The following FHIT variants were observed in gnomAD, a reference collection of about 807,000 sequenced individuals.
FHIT encodes the protein bis(5'-adenosyl)-triphosphatase.
Under a neutral mutation model 17.9 loss-of-function variants are expected in FHIT, and 19 were observed. That is an observed-to-expected ratio of 1.06 (90% CI 0.74 to 1.56). The LOEUF is 1.56. Among genes scored for constraint, FHIT ranks in the 40% most tolerant of loss-of-function variants. FHIT has a pLI of 0.00. For missense variants in FHIT, 248 were observed against 189.2 expected (o/e 1.31, Z -1.82); for synonymous variants, 81 against 69.7 (o/e 1.16, Z -0.81).
chr3:60,891,227 G>T (rs187363327), intron 3 of FHIT, among the ~76,000 whole-genome samples: 5 of 151,892 alleles, frequency 3.3e-5, no homozygotes, highest in African/African-American at 1.2e-4. Flanking sequence ...CCCATCATCC[G>T]TGCACCCATC....
chr3:60,835,240 A>T (rs1702494204), intron 3 of FHIT, among the ~76,000 whole-genome samples: 1 of 79,226 alleles, frequency 1.3e-5, no homozygotes, highest in African/African-American at 4.7e-5. Context: ...TTTTAGAATA[A>T]TGTCATCTAT....
At chr3:59,928,756 G>T (rs1036690156) in intron 7 of FHIT, among the ~76,000 whole-genome samples, 14 of 152,136 alleles carry the variant, frequency 9.2e-5, no homozygotes, top group African/African-American at 3.4e-4. Context: ...CAGCACTTTG[G>T]GAGGCCAAGG....
At chr3:60,378,359 G>T (rs907702155) in intron 5 of FHIT, among the ~76,000 whole-genome samples, 5 of 152,194 alleles carry the variant, frequency 3.3e-5, no homozygotes, top group East Asian at 1.9e-4. Flanking sequence ...GCCAACAATT[G>T]TAACGTTTGC....
rs570540191 is a variant in FHIT at position 61,041,799 on chromosome 3, C to A, written c.-111+248G>T. Among the ~76,000 whole-genome samples the A allele has an allele frequency of 7.9e-5, 12 of 151,712 alleles. No homozygotes were observed. The South Asian group carries it at 2.3e-3, about 29-fold the overall frequency. On this transcript the variant is annotated intron_variant, in intron 3 of 9. Coordinates refer to ENST00000492590, the MANE Select transcript of FHIT (RefSeq NM_002012.4). ...ATAAAATGCATGTTATGAACCAGAA[C>A]AATACCTTAAAGATATAACAAAAGT...
At chr3:60,731,163 A>C (rs1041729412) in intron 4 of FHIT, among the ~76,000 whole-genome samples, 2 of 152,182 alleles carry the variant, frequency 1.3e-5, no homozygotes, top group Admixed American at 6.5e-5. Context: ...ATAAAAAATA[A>C]AAATAAGACA....
chr3:60,782,762 A>C (rs1245737783), intron 4 of FHIT, among the ~76,000 whole-genome samples: 1 of 152,180 alleles, frequency 6.6e-6, no homozygotes, highest in Non-Finnish European at 1.5e-5. Context: ...TCAAGGTGCC[A>C]GTAGATTAAG....
intron 3 of FHIT, among the ~76,000 whole-genome samples, chr3:60,860,413 A>G (rs1424722740): frequency 7.0e-6 from 1 of 142,750 alleles, no homozygotes; most frequent in Non-Finnish European, 1.6e-5. Flanking sequence ...GACATACATC[A>G]TATGTATATA....
chr3:60,666,105 T>C (rs1022559381), intron 4 of FHIT, among the ~76,000 whole-genome samples: 21 of 152,156 alleles, frequency 1.4e-4, no homozygotes, highest in African/African-American at 5.1e-4. Flanking sequence ...ATTATAATTT[T>C]TGTTTTAATC....
intron 2 of FHIT, among the ~76,000 whole-genome samples, chr3:61,079,849 T>A (rs1313375987): frequency 1.3e-5 from 2 of 152,212 alleles, no homozygotes; most frequent in East Asian, 3.8e-4. Context: ...AACAAACTTA[T>A]ATATTCTCCC....
intron 8 of FHIT, among the ~76,000 whole-genome samples, chr3:59,902,333 C>CCCTT (rs1287039854): frequency 2.0e-5 from 3 of 151,786 alleles, no homozygotes; most frequent in Admixed American, 2.0e-4. Flanking sequence ...GAAAAGGGAA[C>CCCTT]CCTTCTTGGT....
chr3:60,153,013 G>C (rs765475831), intron 5 of FHIT, among the ~76,000 whole-genome samples: 1 of 152,146 alleles, frequency 6.6e-6, no homozygotes, highest in African/African-American at 2.4e-5. Context: ...GCTTAACCAA[G>C]AGTCAACTCA....
At chr3:59,903,032 G>A (rs900188779) in intron 8 of FHIT, among the ~76,000 whole-genome samples, 9 of 152,200 alleles carry the variant, frequency 5.9e-5, no homozygotes, top group East Asian at 1.9e-4. Context: ...CAATGTATAC[G>A]TATGTTAAAT....
intron 4 of FHIT, among the ~76,000 whole-genome samples, chr3:60,715,881 G>T (rs1202709520): frequency 6.6e-6 from 1 of 152,136 alleles, no homozygotes; most frequent in African/African-American, 2.4e-5. Flanking sequence ...TTTCGACCTT[G>T]CAGACTCCCT....
intron 5 of FHIT, among the ~76,000 whole-genome samples, chr3:60,420,442 G>T (rs1368918476): frequency 1.3e-5 from 2 of 152,068 alleles, no homozygotes; most frequent in African/African-American, 4.8e-5. Context: ...TTCACAAAGA[G>T]ATTACTGTGT....
intron 8 of FHIT, among the ~76,000 whole-genome samples, chr3:59,912,355 C>G (rs921108058): frequency 1.3e-5 from 2 of 152,146 alleles, no homozygotes; most frequent in Admixed American, 1.3e-4. Context: ...TTTAGGAAAA[C>G]AAGTGCAGTT....
chr3:60,717,780 G>A (rs182255211), intron 4 of FHIT, among the ~76,000 whole-genome samples: 6 of 152,172 alleles, frequency 3.9e-5, no homozygotes, highest in African/African-American at 1.4e-4. Flanking sequence ...AGAAACCTGA[G>A]CATCTGTATT....
At chr3:60,350,646 A>G (rs1487010528) in intron 5 of FHIT, among the ~76,000 whole-genome samples, 3 of 152,000 alleles carry the variant, frequency 2.0e-5, no homozygotes, top group Admixed American at 2.0e-4. Context: ...TATTCCACCA[A>G]CAGTGCTACT....
intron 3 of FHIT, among the ~76,000 whole-genome samples, chr3:60,963,249 T>G (rs1273212067): frequency 6.6e-6 from 1 of 152,352 alleles, no homozygotes; most frequent in African/African-American, 2.4e-5. Flanking sequence ...GGTGGTAGTT[T>G]ATATTTCTGT....
At chr3:60,166,607 G>A (rs368355858) in intron 5 of FHIT, among the ~76,000 whole-genome samples, 1 of 152,268 alleles carries the variant, frequency 6.6e-6, no homozygotes, top group African/African-American at 2.4e-5. Flanking sequence ...AGATTAGTGA[G>A]ACAGCAAAGA....
Sources: allele counts gnomAD v4.1 joint callset (sites outside exome capture counted in the v4.1 genomes callset), GRCh38; gene constraint gnomAD v4.1.1; transcripts MANE v1.5; gene names NCBI Gene and HGNC (gene_info 2026-07-23, HGNC 2026-07-21).